ZZEF1: variants seen among roughly 807,000 people sequenced by gnomAD.
ZZEF1 encodes the protein zinc finger ZZ-type and EF-hand domain-containing protein 1.
A neutral mutation model predicts 342.8 loss-of-function variants in ZZEF1; 157 were observed. The observed-to-expected ratio is 0.46, with a 90% CI of 0.40 to 0.52. The LOEUF is 0.52. Ranked by LOEUF, ZZEF1 falls within the 20% of genes least tolerant of loss-of-function variation. The pLI is 0.00. For missense variants in ZZEF1, 3,480 were observed against 3,725.6 expected (o/e 0.93, Z 1.72); for synonymous variants, 1,505 against 1,429.1 (o/e 1.05, Z -1.20).
chr17:4,067,833 G>A (rs2057430780), intron 26 of ZZEF1, among the ~76,000 whole-genome samples: 1 of 152,128 alleles, frequency 6.6e-6, no homozygotes, highest in Non-Finnish European at 1.5e-5. Flanking sequence ...TCCAATCCCA[G>A]TGCTTTGGGA....
At chr17:4,080,654 T>C (rs192582774) in intron 18 of ZZEF1, among the ~76,000 whole-genome samples, 1,817 of 152,154 alleles carry the variant, frequency 0.012, 16 homozygotes, top group Middle Eastern at 0.02. Context: ...CCTCCCAAAG[T>C]GCTGGGATTA....
In ZZEF1 at chr17:4,117,006, CTTCAGGACGG is replaced by C; in HGVS notation, c.650_659del (p.Ser217TrpfsTer18). ...TTTGTACCAGCTGATCCAGAGACTC[CTTCAGGACGG>C]AAGACCGCATGGTGCACATGTTATT... is the stretch of plus-strand genomic sequence containing the variant. On this transcript the variant is annotated frameshift_variant, in exon 3 of 55. Coordinates refer to ENST00000381638, the MANE Select transcript of ZZEF1 (RefSeq NM_015113.4). LOFTEE classifies it high-confidence loss of function. 1 of 1,613,012 alleles carries C rather than the reference CTTCAGGACGG, an allele frequency of 6.2e-7. No individual in the cohort carries two copies. Among genetic ancestry groups the C allele is most frequent in the Non-Finnish European group, 8.5e-7 (1 of 1,179,246 alleles).
chr17:4,115,982 A>G (rs1249383058), intron 3 of ZZEF1, among the ~76,000 whole-genome samples: 1 of 152,128 alleles, frequency 6.6e-6, no homozygotes, highest in African/African-American at 2.4e-5. Context: ...TTTTAGTTGA[A>G]CTTTTTGATC....
intron 49 of ZZEF1, among the ~76,000 whole-genome samples, chr17:4,015,180 G>A (rs544990947): frequency 1.3e-5 from 2 of 152,322 alleles, no homozygotes; most frequent in South Asian, 2.1e-4. Context: ...GAAGGGCAAC[G>A]GGTGTCCAGG....
chr17:4,085,776 A>C lies in ZZEF1; in HGVS notation c.2540T>G (p.Val847Gly). ...DVVDKVDGDS[V>G]PMEILKQEVR... is the part of the protein sequence containing the mutation. ...TTCTTGTTTTAGTATCTCCATGGGC[A>C]CAGAGTCTCCATCCACCTTGTCCAC... Residue 847 changes from valine (V) to glycine (G), a missense_variant, in exon 16 of 55, where the codon GTG becomes GGG. Val to Gly is a moderately radical substitution (Grantham distance 109). This residue lies in a region of ZZEF1 where 1,528 missense variants were observed against 1,624.1 expected (regional missense o/e 0.94). Transcript: ENST00000381638. 1 of 1,614,164 alleles carries C rather than the reference A, an allele frequency of 6.2e-7. No individual in the cohort carries two copies. Among genetic ancestry groups the C allele is most frequent in the East Asian group, 2.2e-5 (1 of 44,886 alleles).
At position 4,017,868 on chromosome 17, in the gene ZZEF1, C is replaced by A; in HGVS notation, c.7609G>T (p.Val2537Leu). Residue 2537 changes from valine to leucine, a missense_variant, in exon 47 of 55, where the codon GTG becomes TTG. Around this residue, in one of 5 missense-constraint regions of ZZEF1, gnomAD observed 1,269 missense variants for 1,342.4 expected, o/e 0.95. Coordinates refer to ENST00000381638, the MANE Select transcript of ZZEF1 (RefSeq NM_015113.4). This position sits in a 1 kb window ranked among gnomAD's most constrained non-coding sequence, Gnocchi z 5.1. ...GGCAGGATAATCATGTCTGTATCCA[C>A]AGCTTTGGCGCTCTGTTCTTCCAGC... ...LRLEEQSAKA[V>L]DTDMIILPCL... The A allele has an allele frequency of 1.2e-6, 2 of 1,614,222 alleles. No individual in the cohort carries two copies. The highest frequency in any genetic ancestry group is 1.7e-6 in the Non-Finnish European group (2 of 1,180,054).
chr17:4,081,349 G>A (rs768409389), intron 18 of ZZEF1, 27 bp downstream of exon 18: 3 of 1,599,298 alleles, frequency 1.9e-6, no homozygotes, highest in Non-Finnish European at 1.7e-6. Context: ...ATGAGACAAA[G>A]AAAACAGGGA....
intron 46 of ZZEF1, among the ~76,000 whole-genome samples, chr17:4,019,062 C>A (rs2144969367): frequency 6.6e-6 from 1 of 151,918 alleles, no homozygotes; most frequent in South Asian, 2.1e-4. Context: ...GCAGCTTAGA[C>A]TGTACCCTAA....
At chr17:4,125,760 T>G (rs1597930478) in intron 1 of ZZEF1, among the ~76,000 whole-genome samples, 1 of 152,270 alleles carries the variant, frequency 6.6e-6, no homozygotes, top group South Asian at 2.1e-4. Flanking sequence ...GACTAGAAAC[T>G]GTGCCCTGTT....
At chr17:4,107,672 G>A (rs1212353955) in intron 6 of ZZEF1, among the ~76,000 whole-genome samples, 1 of 152,214 alleles carries the variant, frequency 6.6e-6, no homozygotes, top group South Asian at 2.1e-4. Context: ...TGGTTACATA[G>A]AGGCGAACTG....
intron 18 of ZZEF1, among the ~76,000 whole-genome samples, chr17:4,079,418 A>G (rs537066472): frequency 6.6e-6 from 1 of 152,212 alleles, no homozygotes; most frequent in Non-Finnish European, 1.5e-5. Flanking sequence ...TGGGAAATGC[A>G]GAAATAAGGA....
Position 4,016,774 on chromosome 17 carries a change from C to A in ZZEF1, c.8002-308G>T. On this transcript the variant is annotated intron_variant, in intron 48 of 54. Transcript: ENST00000381638. The surrounding 1 kb of genome is among the most constrained non-coding windows in gnomAD (Gnocchi z 4.4). Reference sequence around the variant, plus strand: ...GTCCCCAGCCAAGCAGGTGGATTGGCCTATGGATAAATAATGACCACACAA... The same window carrying A: ...GTCCCCAGCCAAGCAGGTGGATTGGACTATGGATAAATAATGACCACACAA... 1 of 299,388 alleles carries A rather than the reference C, an allele frequency of 3.3e-6. No individual in the cohort carries two copies. The highest frequency in any genetic ancestry group is 9.8e-4 in the Middle Eastern group (1 of 1,016). 18.5% of individuals were successfully genotyped at this position (299,388 alleles called of 1,614,324 possible). A position where few individuals can be genotyped will look rare whatever the true frequency, so the allele number is the denominator to read the frequency against.
At chr17:4,137,992 T>TGG (rs371924591) in intron 1 of ZZEF1, among the ~76,000 whole-genome samples, 6 of 141,788 alleles carry the variant, frequency 4.2e-5, no homozygotes, top group African/African-American at 1.5e-4. Flanking sequence ...CATGCGGGGG[T>TGG]AGGGGGAAGA....
intron 30 of ZZEF1, among the ~76,000 whole-genome samples, 195 bp from the exon 31 acceptor site, chr17:4,059,485 AAG>A (rs35832148): frequency 0.14 from 21,983 of 152,226 alleles, 1,808 homozygotes; most frequent in East Asian, 0.18. Flanking sequence ...TGACGGGCTC[AAG>A]AGAGTTACCC....
At position 4,142,561 on chromosome 17, in the gene ZZEF1, G is replaced by A; in HGVS notation, c.335C>T (p.Ser112Phe). ...CCTGACCTCCTCGAACTGCTCGCTAGAGCAGCCGGCGCCGCGAGCCTCCAG... is the reference window on the plus strand; with the variant it reads ...CCTGACCTCCTCGAACTGCTCGCTAAAGCAGCCGGCGCCGCGAGCCTCCAG... ...ELLEARGAGC[S>F]SEQFEEAFAQ... The change falls in exon 1 of 55, where the codon TCT becomes TTT. Residue 112 changes from serine (S) to phenylalanine (F), a missense_variant. Around this residue, in one of 5 missense-constraint regions of ZZEF1, gnomAD observed 416 missense variants for 374.2 expected, o/e 1.11. Transcript: ENST00000381638. 6.2e-7 allele frequency: 1 copy of A among 1,602,090 alleles called. No individual in the cohort carries two copies. The highest frequency in any genetic ancestry group is 8.5e-7 in the Non-Finnish European group (1 of 1,179,350).
chr17:4,030,837 T>C (rs540203456), intron 42 of ZZEF1, among the ~76,000 whole-genome samples: 13 of 152,290 alleles, frequency 8.5e-5, no homozygotes, highest in Admixed American at 2.6e-4. Flanking sequence ...AAAACAATTC[T>C]GAAAAAGAGC....
Position 4,044,390 on chromosome 17 carries a change from T to C in ZZEF1, c.6016-16A>G, listed in dbSNP as rs781002613. The C allele has an allele frequency of 6.3e-7, 1 of 1,599,158 alleles. No homozygotes were observed. The highest frequency in any genetic ancestry group is 8.5e-7 in the Non-Finnish European group (1 of 1,174,174). On this transcript the variant is annotated splice_polypyrimidine_tract_variant and intron_variant, in intron 37 of 54. Coordinates refer to ENST00000381638, the MANE Select transcript of ZZEF1 (RefSeq NM_015113.4). Reference sequence around the variant, plus strand: ...CTCTCTTTCCCTAAAAAAACAAAAGTGTAAAAGAATTAAGGTTTCTTATAA... The same window carrying C: ...CTCTCTTTCCCTAAAAAAACAAAAGCGTAAAAGAATTAAGGTTTCTTATAA...
In ZZEF1 at chr17:4,024,970, T is replaced by C. The variant is rs756670875; in HGVS notation, c.7041A>G (p.Glu2347=). The part of the protein sequence containing the change: ...SMDSHCPEAV[E]ATWVLSLALK... ...GGGCCAGGGACAGGACCCAAGTTGC[T>C]TCTACTGCCTCGGGACAATGGCTGT... Residue 2347 remains glutamate (E), a synonymous_variant, in exon 43 of 55, where the codon GAA becomes GAG. Coordinates refer to ENST00000381638, the MANE Select transcript of ZZEF1 (RefSeq NM_015113.4). 6.2e-7 allele frequency: 1 copy of C among 1,614,184 alleles called. No individual in the cohort carries two copies. The highest frequency in any genetic ancestry group is 8.5e-7 in the Non-Finnish European group (1 of 1,180,036).
Position 4,014,401 on chromosome 17 carries a change from C to T in ZZEF1, c.8260G>A (p.Asp2754Asn). ...AMSSSSDFQQDRHSFSGSQQK... is the reference protein window; with the variant it reads ...AMSSSSDFQQNRHSFSGSQQK... ...TGAGACCCGCTGAAGCTGTGTCGGT[C>T]TTGCTGGAAGTCACTGCTGCTGGAC... Residue 2754 changes from aspartate to asparagine, a missense_variant, in exon 50 of 55, where the codon GAC becomes AAC. This residue lies in a region of ZZEF1 where 1,269 missense variants were observed against 1,342.4 expected (regional missense o/e 0.95). Coordinates refer to ENST00000381638, the MANE Select transcript of ZZEF1 (RefSeq NM_015113.4). This position sits in a 1 kb window ranked among gnomAD's most constrained non-coding sequence, Gnocchi z 4.4. 8 of 1,614,234 alleles carry T rather than the reference C, an allele frequency of 5.0e-6. No individual in the cohort carries two copies. Among genetic ancestry groups the T allele is most frequent in the Non-Finnish European group, 6.8e-6 (8 of 1,180,046 alleles).
Sources: gnomAD v4.1 joint callset for allele counts (sites outside exome capture counted in the v4.1 genomes callset) on GRCh38, gnomAD v4.1.1 for gene constraint, gnomAD v4.1.1 regional missense constraint, Gnocchi (gnomAD v3.1) non-coding constraint, MANE v1.5 for transcripts, NCBI Gene and HGNC (gene_info 2026-07-23, HGNC 2026-07-21) for gene names.